CCDC178: variants seen among roughly 807,000 people sequenced by gnomAD.
CCDC178 encodes coiled-coil domain containing 178, also known as coiled-coil domain-containing protein 178.
In CCDC178, 126 loss-of-function variants were observed where a neutral mutation model predicts 117.4. That is an observed-to-expected ratio of 1.07 (90% CI 0.93 to 1.24). CCDC178 has a LOEUF of 1.24. Ranked by LOEUF, CCDC178 falls within the 50% of genes most tolerant of loss-of-function variation. The pLI, the probability that CCDC178 is intolerant of heterozygous loss-of-function variation, is 0.00. For missense variants in CCDC178, 1,030 were observed against 986.9 expected, an observed-to-expected ratio of 1.04 and a Z score of -0.59; for synonymous variants, 283 against 313.4, an observed-to-expected ratio of 0.90 and a Z score of 1.02.
intron 9 of CCDC178, among the ~76,000 whole-genome samples, chr18:33,334,027 C>T (rs1382814420): frequency 6.6e-6 from 1 of 151,650 alleles, no homozygotes; most frequent in Non-Finnish European, 1.5e-5. Context: ...CTTCCAAAAC[C>T]ACCTAGAAGG....
chr18:33,143,817 A>T (rs2058238421), intron 20 of CCDC178, among the ~76,000 whole-genome samples: 1 of 152,112 alleles, frequency 6.6e-6, no homozygotes, highest in African/African-American at 2.4e-5. Flanking sequence ...TTCATTCCTT[A>T]TATTCTCTAC....
intron 4 of CCDC178, among the ~76,000 whole-genome samples, chr18:33,390,731 A>G (rs1322477473): frequency 1.3e-5 from 2 of 152,054 alleles, no homozygotes; most frequent in Non-Finnish European, 2.9e-5. Context: ...ATGTCATGAT[A>G]GTTACATTTA....
intron 11 of CCDC178, among the ~76,000 whole-genome samples, chr18:33,314,184 G>C (rs1050085908): frequency 1.8e-5 from 2 of 111,254 alleles, no homozygotes; most frequent in Non-Finnish European, 3.4e-5. Flanking sequence ...CTGGGTGACA[G>C]AGCGAGACTC....
chr18:33,214,766 A>G (rs72947191), intron 19 of CCDC178, among the ~76,000 whole-genome samples: 1,743 of 152,130 alleles, frequency 0.011, 16 homozygotes, highest in Non-Finnish European at 0.018. Context: ...TGATGGGGGC[A>G]TTGACTTGAC....
intron 15 of CCDC178, among the ~76,000 whole-genome samples, chr18:33,231,063 C>T (rs1368564645): frequency 1.3e-5 from 2 of 152,202 alleles, no homozygotes; most frequent in Non-Finnish European, 2.9e-5. Context: ...TCTTAAATAT[C>T]ACTCAATTGA....
At chr18:33,318,797 T>C (rs1302695939) in intron 11 of CCDC178, among the ~76,000 whole-genome samples, 2 of 152,012 alleles carry the variant, frequency 1.3e-5, no homozygotes, top group Non-Finnish European at 2.9e-5. Context: ...GGAAAAAATA[T>C]ATAGATTAGA....
At chr18:33,020,313 G>C (rs148212533) in intron 21 of CCDC178, among the ~76,000 whole-genome samples, 7 of 151,888 alleles carry the variant, frequency 4.6e-5, no homozygotes, top group Non-Finnish European at 1.0e-4. Flanking sequence ...GTTGTTCTCC[G>C]TTAAACAAAT....
At chr18:33,155,036 T>A (rs973235076) in intron 20 of CCDC178, among the ~76,000 whole-genome samples, 1 of 152,140 alleles carries the variant, frequency 6.6e-6, no homozygotes, top group African/African-American at 2.4e-5. Flanking sequence ...ATTGAGATTA[T>A]AGATTTTGTG....
At chr18:33,139,000 C>A (rs751740667) in intron 20 of CCDC178, among the ~76,000 whole-genome samples, 2 of 152,164 alleles carry the variant, frequency 1.3e-5, no homozygotes, top group African/African-American at 4.8e-5. Context: ...ACAATTCCCA[C>A]GTGTCATAAC....
chr18:33,421,082 A>G (rs1352836641), intron 2 of CCDC178, among the ~76,000 whole-genome samples: 1 of 152,216 alleles, frequency 6.6e-6, no homozygotes, highest in African/African-American at 2.4e-5. Flanking sequence ...TGATGAAGTG[A>G]CATCTACCTA....
intron 14 of CCDC178, among the ~76,000 whole-genome samples, chr18:33,258,685 C>T (rs1466836244): frequency 3.9e-5 from 6 of 152,176 alleles, no homozygotes; most frequent in East Asian, 1.9e-4. Context: ...TCAGGACATA[C>T]AAACACACTC....
chr18:32,948,420 T>G (rs1207391266), intron 22 of CCDC178, among the ~76,000 whole-genome samples: 1 of 152,100 alleles, frequency 6.6e-6, no homozygotes, highest in African/African-American at 2.4e-5. Context: ...TATAAATTAC[T>G]TCACATTTTT....
At chr18:33,387,430 T>C (rs1179249039) in intron 5 of CCDC178, among the ~76,000 whole-genome samples, 1 of 152,070 alleles carries the variant, frequency 6.6e-6, no homozygotes, top group Admixed American at 6.5e-5. Flanking sequence ...AAAACAAACC[T>C]GGAAGTATCA....
chr18:33,209,931 G>GAAAA (rs2059087447), intron 20 of CCDC178, among the ~76,000 whole-genome samples: 3 of 152,006 alleles, frequency 2.0e-5, no homozygotes, highest in African/African-American at 7.2e-5. Context: ...GAGAGAGAGA[G>GAAAA]AGAAAGAGAG....
chr18:33,178,667 C>T (rs2058692029), intron 20 of CCDC178, among the ~76,000 whole-genome samples: 1 of 152,050 alleles, frequency 6.6e-6, no homozygotes, highest in Non-Finnish European at 1.5e-5. Context: ...CTGGTCTATT[C>T]AGAGATAAAC....
intron 5 of CCDC178, among the ~76,000 whole-genome samples, chr18:33,374,876 G>A (rs373123997): frequency 1.3e-5 from 2 of 152,180 alleles, no homozygotes; most frequent in African/African-American, 4.8e-5. Flanking sequence ...GCACAAAGGA[G>A]TACAAGTGGC....
intron 2 of CCDC178, among the ~76,000 whole-genome samples, chr18:33,414,596 C>T (rs1240955418): frequency 6.6e-6 from 1 of 152,072 alleles, no homozygotes; most frequent in African/African-American, 2.4e-5. Context: ...CCATAAAAAC[C>T]CTAGAAGAAA....
chr18:33,245,012 G>T lies in CCDC178; in HGVS notation c.1593+233C>A, dbSNP rs559949885. 2.0e-4 allele frequency among the ~76,000 whole-genome samples: 31 copies of T among 152,022 alleles called. No individual in the cohort carries two copies. The East Asian group carries it at 2.3e-3, about 11-fold the overall frequency. On this transcript the variant is annotated intron_variant, in intron 15 of 22. Transcript: ENST00000383096. ...CTGGTGCTCCAAGTAGTTTATGGTTGATAATAGCAAAAAGTAGAAACAATT... is the reference window on the plus strand; with the variant it reads ...CTGGTGCTCCAAGTAGTTTATGGTTTATAATAGCAAAAAGTAGAAACAATT...
intron 20 of CCDC178, among the ~76,000 whole-genome samples, chr18:33,191,717 G>A (rs2058860368): frequency 6.6e-6 from 1 of 151,992 alleles, no homozygotes; most frequent in Admixed American, 6.6e-5. Context: ...CTTGTCATCT[G>A]TACTTCTGAA....
Sources: gnomAD v4.1 joint callset for allele counts (sites outside exome capture counted in the v4.1 genomes callset) on GRCh38, gnomAD v4.1.1 for gene constraint, MANE v1.5 for transcripts, NCBI Gene and HGNC (gene_info 2026-07-23, HGNC 2026-07-21) for gene names.